Variants in SETX observed in about 807,000 individuals in gnomAD.
The protein encoded by SETX is helicase senataxin.
SETX carries 90 observed loss-of-function variants against 227.2 expected under a neutral mutation model. That is an observed-to-expected ratio of 0.40 (90% CI 0.33 to 0.47). SETX has a LOEUF of 0.47. Ranked by LOEUF, SETX falls within the 20% of genes least tolerant of loss-of-function variation. SETX has a pLI of 0.91. For synonymous variants in SETX, 1,210 were observed against 1,113.2 expected, an observed-to-expected ratio of 1.09 and a Z score of -1.73; for missense variants, 3,052 against 3,181.5, an observed-to-expected ratio of 0.96 and a Z score of 0.98.
At position 132,326,395 on chromosome 9, in the gene SETX, C is replaced by T. The variant is rs752646721; in HGVS notation, c.5203G>A (p.Val1735Ile). The change falls in exon 10 of 26, where the codon GTC becomes ATC. Residue 1735 changes from valine (V) to isoleucine (I), a missense_variant. By Grantham distance (29) the Val-to-Ile change is conservative (BLOSUM62 3). This residue lies in a region of SETX where 239 missense variants were observed against 272.1 expected (regional missense o/e 0.88). Transcript: ENST00000224140. ...LCQSISRPVP[V>I]RFHNYGDYFN... is the part of the protein sequence containing the mutation. ...TAATCTCCATAATTGTGAAATCTGACAGGCACAGGTCTTGAGATGGACTGA... is the reference window on the plus strand; with the variant it reads ...TAATCTCCATAATTGTGAAATCTGATAGGCACAGGTCTTGAGATGGACTGA... The T allele has an allele frequency of 8.7e-6, 14 of 1,613,978 alleles. No individual in the cohort carries two copies. The highest frequency in any genetic ancestry group is 1.0e-5 in the Non-Finnish European group (12 of 1,179,968).
chr9:132,278,435 A>ATTT (rs1843296549), intron 20 of SETX, among the ~76,000 whole-genome samples, 178 bp from the exon 21 acceptor site: 2 of 117,138 alleles, frequency 1.7e-5, no homozygotes, highest in South Asian at 3.1e-4. Flanking sequence ...AATGCCATGA[A>ATTT]TCTTTTTTTT....
intron 5 of SETX, 97 bp from the exon 6 acceptor site, chr9:132,336,612 AAG>A: frequency 1.1e-6 from 1 of 909,144 alleles, no homozygotes; most frequent in African/African-American, 1.7e-5. Context: ...CATATTTTAA[AAG>A]ACATGTGACA....
chr9:132,321,239 G>A (rs1846307210), intron 10 of SETX, among the ~76,000 whole-genome samples: 1 of 152,212 alleles, frequency 6.6e-6, no homozygotes, highest in Non-Finnish European at 1.5e-5. Flanking sequence ...ACATTGGGAG[G>A]CCGGGCGCGG....
chr9:132,337,845 A>G (rs184399104), intron 5 of SETX, among the ~76,000 whole-genome samples: 1 of 152,340 alleles, frequency 6.6e-6, no homozygotes, highest in Admixed American at 6.5e-5. Context: ...GATGAAATGC[A>G]TAGTATTTAC....
At chr9:132,273,742 GAA>G (rs1843008711) in intron 23 of SETX, among the ~76,000 whole-genome samples, 1 of 152,016 alleles carries the variant, frequency 6.6e-6, no homozygotes. Context: ...TGCCACCTAT[GAA>G]GAGAGAGTTT....
rs776238150 is a variant in SETX, at chr9:132,326,923, T to C, written c.4675A>G (p.Lys1559Glu). The C allele has an allele frequency of 2.5e-6, 4 of 1,614,198 alleles. No homozygotes were observed. The highest frequency in any genetic ancestry group is 1.1e-5 in the South Asian group (1 of 91,082). ...CKYKDCLETT[K>E]NQGEYCPKHS... ...TTTGGGCAGTATTCACCCTGGTTTT[T>C]TGTGGTTTCAAGACAATCTTTGTAC... Residue 1559 changes from lysine to glutamate, a missense_variant, in exon 10 of 26, where the codon AAA (lysine) becomes GAA (glutamate). Transcript: ENST00000224140.
chr9:132,349,422 T>C lies in SETX; in HGVS notation c.7A>G (p.Thr3Ala), dbSNP rs1848488166. Residue 3 changes from threonine to alanine, a missense_variant, in exon 3 of 26, where the codon ACA becomes GCA. By Grantham distance (58) the Thr-to-Ala change is moderately conservative. Transcript: ENST00000224140. Reference protein sequence around the residue: MSTCCWCTPGGAS... With the variant: MSACCWCTPGGAS... The stretch of plus-strand genomic sequence containing the variant: ...CCACCTGGCGTACACCAACAACATG[T>C]GCTCATTCTGTACCTACAGCCAGAA... The C allele has an allele frequency of 6.2e-7, 1 of 1,614,172 alleles. No individual in the cohort carries two copies. Among genetic ancestry groups the C allele is most frequent in the Non-Finnish European group, 8.5e-7 (1 of 1,180,024 alleles).
At chr9:132,333,024 A>T (rs1424527508) in intron 7 of SETX, among the ~76,000 whole-genome samples, 1 of 152,068 alleles carries the variant, frequency 6.6e-6, no homozygotes, top group East Asian at 1.9e-4. Flanking sequence ...AAAGAAATGA[A>T]CAATTTATGC....
intron 5 of SETX, among the ~76,000 whole-genome samples, chr9:132,337,568 A>G (rs1847705324): frequency 6.6e-6 from 1 of 152,218 alleles, no homozygotes; most frequent in African/African-American, 2.4e-5. Flanking sequence ...TGTAATCAAA[A>G]AGTTGGAAAA....
At position 132,278,245 on chromosome 9, in the gene SETX, A is replaced by G; in HGVS notation, c.6667T>C (p.Tyr2223His). Reference protein sequence around the residue: ...PTVISMKAQEYGYDQSMMARF... With the variant: ...PTVISMKAQEHGYDQSMMARF... ...GCCATCATTGACTGGTCGTAGCCAT[A>G]CTCCTGTGCTTTCTGTGAGGGGCAA... Residue 2223 changes from tyrosine (Y) to histidine (H), a missense_variant, in exon 21 of 26, where the codon TAT (tyrosine) becomes CAT (histidine). Around this residue, in one of 10 missense-constraint regions of SETX, gnomAD observed 412 missense variants for 589.0 expected, o/e 0.70. Coordinates refer to ENST00000224140, the MANE Select transcript of SETX (RefSeq NM_015046.7). 5 of 1,613,960 alleles carry G rather than the reference A, an allele frequency of 3.1e-6. No individual in the cohort carries two copies. The highest frequency in any genetic ancestry group is 4.2e-6 in the Non-Finnish European group (5 of 1,179,988).
intron 19 of SETX, among the ~76,000 whole-genome samples, chr9:132,282,485 T>C (rs1222337445): frequency 1.3e-5 from 2 of 151,928 alleles, no homozygotes; most frequent in African/African-American, 4.8e-5. Context: ...AGACAAGGTT[T>C]CACCATGTTG....
chr9:132,355,544 G>T (rs1296061613), upstream of SETX, among the ~76,000 whole-genome samples: 1 of 152,254 alleles, frequency 6.6e-6, no homozygotes, highest in Non-Finnish European at 1.5e-5. Context: ...GCGCAACACA[G>T]CAGAGTAAAT....
intron 18 of SETX, among the ~76,000 whole-genome samples, chr9:132,284,790 G>A (rs1843742601): frequency 1.3e-5 from 2 of 151,848 alleles, no homozygotes; most frequent in South Asian, 2.1e-4. Context: ...TTGGAGCTCT[G>A]GAGGGCTCAC....
intron 11 of SETX, among the ~76,000 whole-genome samples, chr9:132,308,722 G>GAT (rs984725128): frequency 4.6e-5 from 7 of 152,174 alleles, no homozygotes; most frequent in Admixed American, 3.3e-4. Flanking sequence ...AATAACTGAA[G>GAT]ATATATACCT....
chr9:132,336,918 T>C (rs1363340421), intron 5 of SETX, among the ~76,000 whole-genome samples: 2 of 152,050 alleles, frequency 1.3e-5, no homozygotes, highest in African/African-American at 2.4e-5. Context: ...ACAAAAAAAT[T>C]AGCTGGACTT....
intron 8 of SETX, 62 bp downstream of exon 8, chr9:132,331,215 T>A: frequency 6.2e-7 from 1 of 1,608,756 alleles, no homozygotes; most frequent in South Asian, 1.1e-5. Context: ...TGTTAAGTAA[T>A]CTAGCTGGAA....
chr9:132,297,955 TA>T, intron 13 of SETX, 124 bp downstream of exon 13: 1 of 814,164 alleles, frequency 1.2e-6, no homozygotes, highest in Non-Finnish European at 2.0e-6. Context: ...TAAAGAAAAC[TA>T]ACACTAAACT....
chr9:132,304,328 A>T (rs554579954), intron 11 of SETX, among the ~76,000 whole-genome samples: 3 of 152,150 alleles, frequency 2.0e-5, no homozygotes, highest in African/African-American at 7.2e-5. Context: ...ATAACTGCAT[A>T]CTGTAGGTAG....
Position 132,274,376 on chromosome 9 carries a change from C to T in SETX, c.7100+880G>A, listed in dbSNP as rs140835520. 2.7e-5 allele frequency among the ~76,000 whole-genome samples: 4 copies of T among 150,576 alleles called. No individual in the cohort carries two copies. The East Asian group carries it at 7.8e-4, about 29-fold the overall frequency. On this transcript the variant is annotated intron_variant, in intron 23 of 25. Coordinates refer to ENST00000224140, the MANE Select transcript of SETX (RefSeq NM_015046.7). Reference sequence around the variant, plus strand: ...TATTTGATAGAATTCACCAGCTTAGCTTGGTTCTGGGCTTTTCATTATTGG... The same window carrying T: ...TATTTGATAGAATTCACCAGCTTAGTTTGGTTCTGGGCTTTTCATTATTGG...
Sources: allele counts gnomAD v4.1 joint callset (sites outside exome capture counted in the v4.1 genomes callset), GRCh38; gene constraint gnomAD v4.1.1; regional missense constraint gnomAD v4.1.1; transcripts MANE v1.5; gene names NCBI Gene and HGNC (gene_info 2026-07-23, HGNC 2026-07-21).